The following ARSB variants were observed in gnomAD, a reference collection of about 807,000 sequenced individuals.
ARSB encodes arylsulfatase B.
Under a neutral mutation model 50.9 loss-of-function variants are expected in ARSB, and 41 were observed. The observed-to-expected ratio is 0.81, with a 90% CI of 0.63 to 1.04. The LOEUF (loss-of-function observed/expected upper bound fraction) is 1.04, where lower values mean the gene tolerates loss of function less well. Ranked by LOEUF, ARSB falls within the 50% of genes least tolerant of loss-of-function variation. The probability of loss-of-function intolerance (pLI) is 0.00; values close to 1 mark genes in which losing one functional copy is unlikely to be tolerated. For missense variants in ARSB, 672 were observed against 693.3 expected (o/e 0.97, Z 0.35); for synonymous variants, 269 against 284.8 (o/e 0.94, Z 0.56).
Position 78,897,819 on chromosome 5 carries a change from C to T in ARSB, c.899-11992G>A, listed in dbSNP as rs1748635346. 2.6e-5 allele frequency among the ~76,000 whole-genome samples: 4 copies of T among 151,876 alleles called. No individual in the cohort carries two copies. The South Asian group carries it at 6.2e-4, about 24-fold the overall frequency. On this transcript the variant is annotated intron_variant, in intron 4 of 7. Coordinates refer to ENST00000264914, the MANE Select transcript of ARSB (RefSeq NM_000046.5). ...TTTATATTTACTATATTCAAAAATG[C>T]ACTAAAAGCTGCTTTAATGAGAAAA...
intron 5 of ARSB, among the ~76,000 whole-genome samples, chr5:78,876,787 C>A (rs911503810): frequency 2.6e-5 from 4 of 152,222 alleles, no homozygotes; most frequent in African/African-American, 9.6e-5. Flanking sequence ...CTATTAGGAA[C>A]TGGACCTCAC....
At chr5:78,870,871 A>G (rs1261349136) in intron 5 of ARSB, among the ~76,000 whole-genome samples, 2 of 152,168 alleles carry the variant, frequency 1.3e-5, no homozygotes, top group African/African-American at 2.4e-5. Context: ...GAGGAAGTCA[A>G]ATTGTCCCTG....
At chr5:78,959,213 T>C (rs1415333589) in intron 3 of ARSB, among the ~76,000 whole-genome samples, 1 of 152,212 alleles carries the variant, frequency 6.6e-6, no homozygotes, top group African/African-American at 2.4e-5. Context: ...TCTCTCCTGC[T>C]GCCACGTGAA....
chr5:78,966,424 T>C (rs1752209058), intron 2 of ARSB, among the ~76,000 whole-genome samples: 1 of 152,242 alleles, frequency 6.6e-6, no homozygotes, highest in Non-Finnish European at 1.5e-5. Flanking sequence ...ACCAGCTGCA[T>C]TGAGATATAA....
At chr5:78,851,541 C>T (rs3098686) in intron 5 of ARSB, among the ~76,000 whole-genome samples, 94,023 of 151,594 alleles carry the variant, frequency 0.62, 29,544 homozygotes, top group Middle Eastern at 0.67. Flanking sequence ...ATTCTGTTGA[C>T]TTGGGGTGGA....
At chr5:78,826,391 C>T (rs762192698) in intron 6 of ARSB, among the ~76,000 whole-genome samples, 1 of 152,172 alleles carries the variant, frequency 6.6e-6, no homozygotes, top group East Asian at 1.9e-4. Context: ...TCAACAACTA[C>T]TTATTGTGCT....
chr5:78,850,293 C>T (rs938211224), intron 5 of ARSB, among the ~76,000 whole-genome samples: 17 of 152,166 alleles, frequency 1.1e-4, no homozygotes, highest in Non-Finnish European at 2.1e-4. Flanking sequence ...TGTCAAAGGC[C>T]TTTTCTGCAT....
intron 6 of ARSB, among the ~76,000 whole-genome samples, chr5:78,798,632 G>C (rs1743266909): frequency 6.6e-6 from 1 of 152,164 alleles, no homozygotes; most frequent in African/African-American, 2.4e-5. Flanking sequence ...ACGTGTCTAG[G>C]CTCTGAGCAC....
chr5:78,917,489 A>T (rs1363626204), intron 4 of ARSB, among the ~76,000 whole-genome samples: 1 of 151,734 alleles, frequency 6.6e-6, no homozygotes, highest in Non-Finnish European at 1.5e-5. Context: ...CTGGTTTTTT[A>T]AAATGCAATT....
chr5:78,929,181 C>T (rs977923871), intron 4 of ARSB, among the ~76,000 whole-genome samples: 6 of 152,312 alleles, frequency 3.9e-5, no homozygotes, highest in African/African-American at 1.2e-4. Context: ...CTTGAATCCA[C>T]GCATACTCCT....
chr5:78,937,310 C>CATATATACATAAG (rs1554084167), intron 4 of ARSB, among the ~76,000 whole-genome samples: 1 of 106,738 alleles, frequency 9.4e-6, no homozygotes, highest in African/African-American at 3.9e-5. Context: ...ATATATATAT[C>CATATATACATAAG]ATATATATGT....
chr5:78,933,836 A>G (rs1750457164), intron 4 of ARSB, among the ~76,000 whole-genome samples: 1 of 152,180 alleles, frequency 6.6e-6, no homozygotes, highest in African/African-American at 2.4e-5. Flanking sequence ...ACCTAAATAT[A>G]GGGAGATTAT....
At chr5:78,846,191 T>C (rs1432018143) in intron 5 of ARSB, among the ~76,000 whole-genome samples, 1 of 152,186 alleles carries the variant, frequency 6.6e-6, no homozygotes, top group African/African-American at 2.4e-5. Flanking sequence ...CAGTAGGCTA[T>C]ACATACACGA....
intron 6 of ARSB, among the ~76,000 whole-genome samples, chr5:78,837,392 A>C (rs1487836929): frequency 6.6e-6 from 1 of 152,122 alleles, no homozygotes; most frequent in East Asian, 1.9e-4. Context: ...TATGACTGAA[A>C]TGTATCTCTT....
At chr5:78,913,683 C>G (rs1182657549) in intron 4 of ARSB, among the ~76,000 whole-genome samples, 1 of 152,110 alleles carries the variant, frequency 6.6e-6, no homozygotes, top group Non-Finnish European at 1.5e-5. Flanking sequence ...ATCCACAGAC[C>G]TGCCAGCTTA....
At chr5:78,857,795 C>T (rs1056371401) in intron 5 of ARSB, among the ~76,000 whole-genome samples, 1 of 152,164 alleles carries the variant, frequency 6.6e-6, no homozygotes, top group Admixed American at 6.5e-5. Flanking sequence ...GTGATGAAGA[C>T]CTACCTCTAA....
Position 78,781,844 on chromosome 5 carries a change from G to A in ARSB, c.1336+8C>T. The stretch of plus-strand genomic sequence containing the variant: ...GGGAAGGGAAGTTTGCTAAGCTAAG[G>A]ACTCTACCTGGGTAGCCCGTGAGGA... On this transcript the variant is annotated splice_region_variant and intron_variant, in intron 7 of 7. Coordinates refer to ENST00000264914, the MANE Select transcript of ARSB (RefSeq NM_000046.5). 1.2e-6 allele frequency: 2 copies of A among 1,614,028 alleles called. No homozygotes were observed. The highest frequency in any genetic ancestry group is 3.3e-5 in the Admixed American group (2 of 60,018).
At chr5:78,902,293 A>G (rs1006333621) in intron 4 of ARSB, among the ~76,000 whole-genome samples, 2 of 152,236 alleles carry the variant, frequency 1.3e-5, no homozygotes, top group Admixed American at 1.3e-4. Flanking sequence ...TCGGTTTCCA[A>G]CACATGAACT....
chr5:78,793,501 G>T (rs1743054258), intron 6 of ARSB, among the ~76,000 whole-genome samples: 1 of 152,148 alleles, frequency 6.6e-6, no homozygotes, highest in African/African-American at 2.4e-5. Flanking sequence ...GTACGCAGTT[G>T]GTCAGTGAAT....
Sources: allele counts gnomAD v4.1 joint callset (sites outside exome capture counted in the v4.1 genomes callset), GRCh38; gene constraint gnomAD v4.1.1; transcripts MANE v1.5; gene names NCBI Gene and HGNC (gene_info 2026-07-23, HGNC 2026-07-21).